B3GALT5: variants seen among roughly 807,000 people sequenced by gnomAD.
B3GALT5 encodes the protein UDP-Gal:betaGlcNAc beta 1,3-galactosyltransferase, polypeptide 5.
For missense variants in B3GALT5, 328 were observed against 396.6 expected, an observed-to-expected ratio of 0.83 and a Z score of 1.47; for synonymous variants, 156 against 158.6, an observed-to-expected ratio of 0.98 and a Z score of 0.12.
chr21:39,639,398 C>T lies in B3GALT5; in HGVS notation c.-391-6994C>T, dbSNP rs1484905044. ...TCCTTCCTTCCTTCCTTCCTTCTTT[C>T]TTTTTCTTTCTTTCTTTCTTTCTTT... On this transcript the variant is annotated intron_variant, in intron 1 of 3. Coordinates refer to ENST00000684187, the MANE Select transcript of B3GALT5 (RefSeq NM_001356336.2). Among the ~76,000 whole-genome samples, 348 of 75,738 alleles carry T rather than the reference C, an allele frequency of 4.6e-3. 1 individual carries two copies. The highest frequency in any genetic ancestry group is 6.8e-3 in the Middle Eastern group (1 of 146). The allele number at this position is 75,738 out of a possible 152,430, so 49.7% of individuals were successfully genotyped here.
chr21:39,620,880 A>C (rs193115630), intron 1 of B3GALT5, among the ~76,000 whole-genome samples: 2 of 152,300 alleles, frequency 1.3e-5, no homozygotes, highest in Non-Finnish European at 2.9e-5. Flanking sequence ...GTCTATAAAC[A>C]AGAATAGCTT....
chr21:39,660,115 C>T, intron 3 of B3GALT5, among the ~76,000 whole-genome samples: 1 of 152,138 alleles, frequency 6.6e-6, no homozygotes, highest in African/African-American at 2.4e-5. Context: ...TTTCTGGGAG[C>T]AGGAATGCTG....
intron 1 of B3GALT5, among the ~76,000 whole-genome samples, chr21:39,613,830 C>A (rs970709701): frequency 1.3e-5 from 2 of 152,232 alleles, no homozygotes; most frequent in Non-Finnish European, 2.9e-5. Context: ...GCAACTGAAT[C>A]TGCAGTAATC....
rs2146237885 is a variant in B3GALT5 at position 39,672,784 on chromosome 21, C to T, written c.*11292C>T. The T allele has an allele frequency of 6.6e-6, 1 of 152,190 alleles. No individual in the cohort carries two copies. The highest frequency in any genetic ancestry group is 2.4e-5 in the African/African-American group (1 of 41,500). The allele number at this position is 152,190 out of a possible 1,614,324, so 9.4% of individuals were successfully genotyped here. ...TATATGTGTAGAAAAATGTACTGAA[C>T]AATGTTGACATGCTTATTTTTGTAA... On this transcript the variant is annotated 3_prime_UTR_variant, in exon 4 of 4. Coordinates refer to ENST00000684187, the MANE Select transcript of B3GALT5 (RefSeq NM_001356336.2).
rs755288576 is a variant in B3GALT5, at chr21:39,622,669, TG to T, written c.-392+9603del. Among the ~76,000 whole-genome samples the T allele has an allele frequency of 2.0e-5, 3 of 152,278 alleles. No homozygotes were observed. The East Asian group carries it at 5.8e-4, about 29-fold the overall frequency. On this transcript the variant is annotated intron_variant, in intron 1 of 3. Coordinates refer to ENST00000684187, the MANE Select transcript of B3GALT5 (RefSeq NM_001356336.2). Reference sequence around the variant, plus strand: ...GGTAGATTTTTTCCAACCTGCTTATTGTGTTTCTAAGCAAGTGAACTTAATC... The same window carrying T: ...GGTAGATTTTTTCCAACCTGCTTATTTGTTTCTAAGCAAGTGAACTTAATC...
rs952520815 is a variant in B3GALT5 at position 39,662,608 on chromosome 21, C to G, written c.*1116C>G. 1 of 167,306 alleles carries G rather than the reference C, an allele frequency of 6.0e-6. No individual in the cohort carries two copies. The highest frequency in any genetic ancestry group is 2.1e-4 in the South Asian group (1 of 4,822). 10.4% of individuals were successfully genotyped at this position (167,306 alleles called of 1,614,324 possible). ...ATCTTCATTGAATGTCTCATTTGGC[C>G]GAGGAACAACTGAACTTTGTGGTTT... On this transcript the variant is annotated 3_prime_UTR_variant, in exon 4 of 4. Transcript: ENST00000684187.
intron 2 of B3GALT5, among the ~76,000 whole-genome samples, chr21:39,650,948 A>G (rs937242655): frequency 2.6e-5 from 4 of 151,524 alleles, no homozygotes; most frequent in Non-Finnish European, 4.4e-5. Flanking sequence ...TCCAGCCAGA[A>G]GACAAGGTCA....
chr21:39,613,334 T>A, intron 1 of B3GALT5, among the ~76,000 whole-genome samples: 1 of 152,258 alleles, frequency 6.6e-6, no homozygotes, highest in East Asian at 1.9e-4. Context: ...GAGGAAGTTG[T>A]GTTCCTGGGT....
At chr21:39,642,069 G>A (rs928884245) in intron 1 of B3GALT5, among the ~76,000 whole-genome samples, 6 of 152,270 alleles carry the variant, frequency 3.9e-5, no homozygotes, top group African/African-American at 9.6e-5. Flanking sequence ...ACCTTGCTCC[G>A]TAACTGTTGC....
In B3GALT5 at chr21:39,646,609, G is replaced by A. The variant is rs890213024; in HGVS notation, c.-174G>A. The A allele has an allele frequency of 3.3e-5, 5 of 152,168 alleles. No individual in the cohort carries two copies. Among genetic ancestry groups the A allele is most frequent in the African/African-American group, 1.2e-4 (5 of 41,430 alleles). The allele number at this position is 152,168 out of a possible 1,614,324, so 9.4% of individuals were successfully genotyped here. A position where few individuals can be genotyped will look rare whatever the true frequency, so the allele number is the denominator to read the frequency against. On this transcript the variant is annotated 5_prime_UTR_variant, in exon 2 of 4. Transcript: ENST00000684187. ...TGCCTGCTGACCTTCTGGAGTTATT[G>A]GCTAGTAAGAAAGGTGGGTGGTATT...
In B3GALT5 at chr21:39,663,577, C is replaced by T. The variant is rs1190012756; in HGVS notation, c.*2085C>T. ...AGCCTTGAACTCAACGAGCCTCAAA[C>T]GAGCCTCCTGCCTCAGCCAGTGGGT... On this transcript the variant is annotated 3_prime_UTR_variant, in exon 4 of 4. Transcript: ENST00000684187. The T allele has an allele frequency of 6.6e-6, 1 of 151,990 alleles. No homozygotes were observed. The highest frequency in any genetic ancestry group is 2.1e-4 in the South Asian group (1 of 4,816). 9.4% of individuals were successfully genotyped at this position (151,990 alleles called of 1,614,324 possible).
At position 39,668,721 on chromosome 21, in the gene B3GALT5, A is replaced by T. The variant is rs1202737893; in HGVS notation, c.*7229A>T. On this transcript the variant is annotated 3_prime_UTR_variant, in exon 4 of 4. Transcript: ENST00000684187. ...ACCCCCGGGCTCTGTTCGCTGGGGC[A>T]GGGTCTGCGCTCTGGAGTCAGGCTG... is the stretch of plus-strand genomic sequence containing the variant. 6.6e-6 allele frequency: 1 copy of T among 152,204 alleles called. No individual in the cohort carries two copies. The highest frequency in any genetic ancestry group is 2.4e-5 in the African/African-American group (1 of 41,432). The allele number at this position is 152,204 out of a possible 1,614,324, so 9.4% of individuals were successfully genotyped here.
intron 1 of B3GALT5, among the ~76,000 whole-genome samples, chr21:39,633,114 C>T (rs1467251083): frequency 6.6e-6 from 1 of 151,966 alleles, no homozygotes; most frequent in Non-Finnish European, 1.5e-5. Context: ...GATCTGGGGG[C>T]AGGGAAATGG....
In B3GALT5 at chr21:39,639,400, T is replaced by TTCTCTTTCTTTC. The variant is rs1339331444; in HGVS notation, c.-391-6991_-391-6990insCTCTTTCTTTCT. On this transcript the variant is annotated intron_variant, in intron 1 of 3. Coordinates refer to ENST00000684187, the MANE Select transcript of B3GALT5 (RefSeq NM_001356336.2). ...CTTCCTTCCTTCCTTCCTTCTTTCT[T>TTCTCTTTCTTTC]TTTCTTTCTTTCTTTCTTTCTTTCT... 8.3e-3 allele frequency among the ~76,000 whole-genome samples: 475 copies of TTCTCTTTCTTTC among 57,190 alleles called. 25 individuals carry two copies. The highest frequency in any genetic ancestry group is 0.016 in the South Asian group (24 of 1,496). The allele number at this position is 57,190 out of a possible 152,430, so 37.5% of individuals were successfully genotyped here.
rs905886576 is a variant in B3GALT5, at chr21:39,612,966, G to A, written c.-493G>A. The A allele has an allele frequency of 3.3e-5, 5 of 151,812 alleles. No individual in the cohort carries two copies. The highest frequency in any genetic ancestry group is 5.9e-5 in the Non-Finnish European group (4 of 67,944). 9.4% of individuals were successfully genotyped at this position (151,812 alleles called of 1,614,324 possible). ...TCCTCGGCCTGGACCCAGCGCCTCCGGGGACCGGCCGCGCGCCCCCTGCGT... is the reference window on the plus strand; with the variant it reads ...TCCTCGGCCTGGACCCAGCGCCTCCAGGGACCGGCCGCGCGCCCCCTGCGT... On this transcript the variant is annotated 5_prime_UTR_variant, in exon 1 of 4. Transcript: ENST00000684187.
rs1038276301 is a variant in B3GALT5, at chr21:39,671,068, G to C, written c.*9576G>C. The C allele has an allele frequency of 2.0e-5, 3 of 152,238 alleles. No homozygotes were observed. Among genetic ancestry groups the C allele is most frequent in the Admixed American group, 1.3e-4 (2 of 15,290 alleles). The allele number at this position is 152,238 out of a possible 1,614,324, so 9.4% of individuals were successfully genotyped here. A position where few individuals can be genotyped will look rare whatever the true frequency, so the allele number is the denominator to read the frequency against. On this transcript the variant is annotated 3_prime_UTR_variant, in exon 4 of 4. Coordinates refer to ENST00000684187, the MANE Select transcript of B3GALT5 (RefSeq NM_001356336.2). ...ATGCTGTGTCATTGTGGGCAAAAGA[G>C]CAAAACTTGCTTTGATAAAATCACT...
chr21:39,637,669 T>C (rs140957087), intron 1 of B3GALT5, among the ~76,000 whole-genome samples: 2 of 152,306 alleles, frequency 1.3e-5, no homozygotes, highest in Admixed American at 6.5e-5. Context: ...ACAAAGGCCA[T>C]TGATTGATTA....
rs895264592 is a variant in B3GALT5, at chr21:39,651,030, C to T, written c.-161+4408C>T. ...GGGAATGAGGTCACCGTGATGTCTT[C>T]CCCTGAATCGGTGCCATCGTGGTTT... On this transcript the variant is annotated intron_variant, in intron 2 of 3. Transcript: ENST00000684187. 2.6e-5 allele frequency among the ~76,000 whole-genome samples: 4 copies of T among 151,938 alleles called. No individual in the cohort carries two copies. The East Asian group carries it at 5.8e-4, about 22-fold the overall frequency.
chr21:39,646,937 G>GA (rs574694104), intron 2 of B3GALT5, among the ~76,000 whole-genome samples: 2 of 151,962 alleles, frequency 1.3e-5, no homozygotes, highest in East Asian at 1.9e-4. Context: ...CCCATCTCTA[G>GA]AAAAAATACA....
Sources: allele counts gnomAD v4.1 joint callset (sites outside exome capture counted in the v4.1 genomes callset), GRCh38; gene constraint gnomAD v4.1.1; transcripts MANE v1.5; gene names NCBI Gene and HGNC (gene_info 2026-07-23, HGNC 2026-07-21).